IRAK2: variants seen among roughly 807,000 people sequenced by gnomAD.
The protein encoded by IRAK2 is interleukin-1 receptor-associated kinase-like 2.
Under a neutral mutation model 72.0 loss-of-function variants are expected in IRAK2, and 57 were observed. The observed-to-expected ratio is 0.79, with a 90% CI of 0.64 to 0.99. IRAK2 has a LOEUF of 0.99. IRAK2 is among the 50% of genes least tolerant of loss of function. The pLI, the probability that IRAK2 is intolerant of heterozygous loss-of-function variation, is 0.00. For synonymous variants in IRAK2, 293 were observed against 312.7 expected (o/e 0.94, Z 0.67); for missense variants, 790 against 794.4 (o/e 0.99, Z 0.07).
chr3:10,186,260 T>A (rs1697074177), intron 2 of IRAK2, among the ~76,000 whole-genome samples: 1 of 151,684 alleles, frequency 6.6e-6, no homozygotes, highest in Admixed American at 6.6e-5. Context: ...GGGACTTGAG[T>A]GGAGCTGTAG....
chr3:10,220,987 G>GT (rs982785536), intron 8 of IRAK2, among the ~76,000 whole-genome samples: 7 of 152,064 alleles, frequency 4.6e-5, no homozygotes, highest in Non-Finnish European at 7.4e-5. Flanking sequence ...ATACCGTCAT[G>GT]TTTTTTAGTG....
chr3:10,174,719 T>A (rs1696846509), intron 1 of IRAK2, among the ~76,000 whole-genome samples: 1 of 151,966 alleles, frequency 6.6e-6, no homozygotes, highest in Non-Finnish European at 1.5e-5. Flanking sequence ...GAGATGGGAG[T>A]TCACCATGTT....
At chr3:10,199,940 T>C (rs1159841534) in intron 2 of IRAK2, among the ~76,000 whole-genome samples, 1 of 142,938 alleles carries the variant, frequency 7.0e-6, no homozygotes, top group Admixed American at 7.4e-5. Context: ...CAGGCTGGAG[T>C]GTAGTGGTGC....
At chr3:10,234,310 A>T in intron 10 of IRAK2, 149 bp from the exon 11 acceptor site, 1 of 649,494 alleles carries the variant, frequency 1.5e-6, no homozygotes, top group Non-Finnish European at 2.7e-6. Flanking sequence ...TGGGGGTTTT[A>T]CTTCTTTCTG....
intron 2 of IRAK2, among the ~76,000 whole-genome samples, chr3:10,196,321 G>A (rs769302581): frequency 2.0e-5 from 3 of 152,218 alleles, no homozygotes; most frequent in Admixed American, 6.5e-5. Flanking sequence ...CGCCATGTTG[G>A]CCAGGCTGGT....
In IRAK2 at chr3:10,242,294, G is replaced by C. The variant is rs1022622332; in HGVS notation, c.*66G>C. ...AGATGAGCATCAGATCAAGAAAAAG[G>C]TCTGAGGCAGAATCCAAGATCTGCC... On this transcript the variant is annotated 3_prime_UTR_variant, in exon 13 of 13. Transcript: ENST00000256458. 3.7e-5 allele frequency: 33 copies of C among 900,488 alleles called. No individual in the cohort carries two copies. Among genetic ancestry groups the C allele is most frequent in the Non-Finnish European group, 5.7e-5 (33 of 575,116 alleles). 55.8% of individuals were successfully genotyped at this position (900,488 alleles called of 1,614,324 possible). A position where few individuals can be genotyped will look rare whatever the true frequency, so the allele number is the denominator to read the frequency against.
intron 1 of IRAK2, among the ~76,000 whole-genome samples, chr3:10,176,541 G>A (rs1575953884): frequency 2.0e-5 from 3 of 151,984 alleles, no homozygotes; most frequent in Admixed American, 2.0e-4. Context: ...GCAGTGGCGC[G>A]ATCTTGGCTC....
intron 2 of IRAK2, among the ~76,000 whole-genome samples, chr3:10,180,452 C>T (rs1047412083): frequency 6.6e-6 from 1 of 152,108 alleles, no homozygotes; most frequent in Non-Finnish European, 1.5e-5. Context: ...CAAGGAAGGC[C>T]AGTGTGAGGA....
intron 1 of IRAK2, among the ~76,000 whole-genome samples, chr3:10,175,890 CAAAAAAAA>C (rs59718922): frequency 3.7e-5 from 2 of 53,712 alleles, no homozygotes; most frequent in East Asian, 6.9e-4. Flanking sequence ...GACTCCGTCT[CAAAAAAAA>C]AAAAAAAAAA....
intron 2 of IRAK2, among the ~76,000 whole-genome samples, chr3:10,184,382 C>T (rs547803262): frequency 6.6e-6 from 1 of 152,228 alleles, no homozygotes; most frequent in Non-Finnish European, 1.5e-5. Flanking sequence ...TCTGTATACA[C>T]CTGTCTTGAC....
intron 12 of IRAK2, among the ~76,000 whole-genome samples, chr3:10,239,344 C>T (rs747971844): frequency 1.3e-4 from 20 of 152,310 alleles, no homozygotes; most frequent in Non-Finnish European, 2.4e-4. Context: ...CATAGCTTCC[C>T]TGAGTCCTCC....
chr3:10,201,954 T>C (rs1697367180), intron 3 of IRAK2, among the ~76,000 whole-genome samples: 1 of 152,266 alleles, frequency 6.6e-6, no homozygotes, highest in African/African-American at 2.4e-5. Context: ...TACCTCAGTT[T>C]ACTCATTTGT....
At chr3:10,215,767 CACACACAGAT>C (rs1428717476) in intron 6 of IRAK2, among the ~76,000 whole-genome samples, 1 of 151,774 alleles carries the variant, frequency 6.6e-6, no homozygotes, top group Non-Finnish European at 1.5e-5. Flanking sequence ...CACACACACA[CACACACAGAT>C]ACACACACAC....
chr3:10,219,454 GACT>G (rs137902588), intron 7 of IRAK2, among the ~76,000 whole-genome samples: 37,822 of 151,744 alleles, frequency 0.25, 5,988 homozygotes, highest in Non-Finnish European at 0.36. Flanking sequence ...AAATAGCTGG[GACT>G]ACAGGCAGCC....
At chr3:10,211,943 G>A (rs1164986740) in intron 4 of IRAK2, among the ~76,000 whole-genome samples, 1 of 151,924 alleles carries the variant, frequency 6.6e-6, no homozygotes, top group African/African-American at 2.4e-5. Context: ...AGCCGGACAG[G>A]GTGGTGGGTG....
intron 10 of IRAK2, among the ~76,000 whole-genome samples, chr3:10,230,287 C>T (rs902380005): frequency 1.3e-5 from 2 of 151,746 alleles, no homozygotes; most frequent in African/African-American, 4.8e-5. Flanking sequence ...TAGTACCCCC[C>T]CCCACCGACA....
At position 10,205,638 on chromosome 3, in the gene IRAK2, G is replaced by A. The variant is rs11465882; in HGVS notation, c.425-3951G>A. Among the ~76,000 whole-genome samples the A allele has an allele frequency of 4.2e-3, 638 of 152,328 alleles. 5 individuals carry two copies. The highest frequency in any genetic ancestry group is 0.01 in the Middle Eastern group (3 of 294). ...GCAGGATGGAACTCAAGTTAGTCTG[G>A]AGCAGCGGTTCCCAGTGTGGGGCCC... On this transcript the variant is annotated intron_variant, in intron 3 of 12. Transcript: ENST00000256458.
At chr3:10,201,492 G>A (rs1169493257) in intron 3 of IRAK2, among the ~76,000 whole-genome samples, 1 of 152,268 alleles carries the variant, frequency 6.6e-6, no homozygotes, top group Non-Finnish European at 1.5e-5. Context: ...GAGAGGGAGA[G>A]CAGCTTGCTT....
intron 11 of IRAK2, among the ~76,000 whole-genome samples, chr3:10,237,144 G>A (rs922089219): frequency 2.6e-5 from 4 of 152,240 alleles, no homozygotes; most frequent in African/African-American, 7.2e-5. Context: ...ACATGGCCAC[G>A]CCTAGCTCCA....
Sources: allele counts gnomAD v4.1 joint callset (sites outside exome capture counted in the v4.1 genomes callset), GRCh38; gene constraint gnomAD v4.1.1; transcripts MANE v1.5; gene names NCBI Gene and HGNC (gene_info 2026-07-23, HGNC 2026-07-21).